LRRC8B: variants seen among roughly 807,000 people sequenced by gnomAD.
LRRC8B encodes leucine rich repeat containing 8 VRAC subunit B.
Under a neutral mutation model 58.8 loss-of-function variants are expected in LRRC8B, and 23 were observed. That is an observed-to-expected ratio of 0.39 (90% CI 0.28 to 0.55). The LOEUF (loss-of-function observed/expected upper bound fraction) is 0.55, where lower values mean the gene tolerates loss of function less well. Among genes scored for constraint, LRRC8B ranks in the 20% least tolerant of loss-of-function variants. The pLI, the probability that LRRC8B is intolerant of heterozygous loss-of-function variation, is 0.62. For missense variants in LRRC8B, 694 were observed against 936.0 expected (o/e 0.74, Z 3.37); for synonymous variants, 359 against 374.1 (o/e 0.96, Z 0.47).
intron 1 of LRRC8B, among the ~76,000 whole-genome samples, chr1:89,534,868 G>A (rs1650415644): frequency 6.6e-6 from 1 of 151,912 alleles, no homozygotes; most frequent in Non-Finnish European, 1.5e-5. Flanking sequence ...GTTGATCTAA[G>A]CAAAGAAATA....
chr1:89,583,799 C>G lies in LRRC8B; in HGVS notation c.1149C>G (p.Arg383=). 6.2e-7 allele frequency: 1 copy of G among 1,614,200 alleles called. No homozygotes were observed. The highest frequency in any genetic ancestry group is 1.1e-5 in the South Asian group (1 of 91,086). The change falls in exon 5 of 6, where the codon CGC becomes CGG. Residue 383 remains arginine, a synonymous_variant. Coordinates refer to ENST00000330947, the MANE Select transcript of LRRC8B (RefSeq NM_001369817.2). This position sits in a 1 kb window ranked among gnomAD's most constrained non-coding sequence, Gnocchi z 5.2. ...AGTATGATCCTCTTTATTCCAAACG[C>G]TTCTCCATATTCCTATCAGAGGTCA... is the stretch of plus-strand genomic sequence containing the variant. ...ADQYDPLYSK[R]FSIFLSEVSE...
chr1:89,592,945 T>G lies in LRRC8B; in HGVS notation c.2314T>G (p.Ser772Ala). 1 of 1,614,154 alleles carries G rather than the reference T, an allele frequency of 6.2e-7. No individual in the cohort carries two copies. Among genetic ancestry groups the G allele is most frequent in the Non-Finnish European group, 8.5e-7 (1 of 1,180,004 alleles). The part of the protein sequence containing the change: ...TLPPELEGCQ[S>A]LKRNCLIVEE... The stretch of plus-strand genomic sequence containing the variant: ...TCCTCCTGAACTAGAAGGATGTCAG[T>G]CCCTAAAACGGAACTGTCTGATTGT... The change falls in exon 6 of 6, where the codon TCC (serine) becomes GCC (alanine). Residue 772 changes from serine (S) to alanine (A), a missense_variant. This residue lies in a region of LRRC8B where 139 missense variants were observed against 158.2 expected (regional missense o/e 0.88). Coordinates refer to ENST00000330947, the MANE Select transcript of LRRC8B (RefSeq NM_001369817.2).
intron 1 of LRRC8B, among the ~76,000 whole-genome samples, chr1:89,541,508 G>A (rs1026628500): frequency 1.5e-4 from 23 of 151,022 alleles, no homozygotes; most frequent in African/African-American, 2.7e-4. Context: ...TCAGGAGATC[G>A]AGACCATCCC....
intron 5 of LRRC8B, among the ~76,000 whole-genome samples, chr1:89,587,037 TAC>T (rs1425348823): frequency 1.3e-5 from 2 of 152,194 alleles, no homozygotes; most frequent in African/African-American, 4.8e-5. Flanking sequence ...TGGGAATAGC[TAC>T]AGTGTTAGAA....
rs2101067126 is a variant in LRRC8B, at chr1:89,583,773, C to T, written c.1123C>T (p.Gln375Ter). 1 of 1,614,210 alleles carries T rather than the reference C, an allele frequency of 6.2e-7. No individual in the cohort carries two copies. Among genetic ancestry groups the T allele is most frequent in the Non-Finnish European group, 8.5e-7 (1 of 1,180,044 alleles). The part of the protein sequence containing the change: ...DFAFILHLAD[Q>*]YDPLYSKRFS... ...TGCCTTCATCCTTCATCTGGCTGAT[C>T]AGTATGATCCTCTTTATTCCAAACG... The change falls in exon 5 of 6, where the codon CAG becomes TAG. Residue 375 changes from glutamine to a stop codon, truncating the protein, a stop_gained. Coordinates refer to ENST00000330947, the MANE Select transcript of LRRC8B (RefSeq NM_001369817.2). LOFTEE classifies it high-confidence loss of function. The surrounding 1 kb of genome is among the most constrained non-coding windows in gnomAD (Gnocchi z 5.2).
intron 1 of LRRC8B, among the ~76,000 whole-genome samples, chr1:89,555,894 C>T (rs1652151707): frequency 6.6e-6 from 1 of 152,102 alleles, no homozygotes; most frequent in Admixed American, 6.6e-5. Context: ...TGGCCTTTGC[C>T]CCCATGTCAC....
intron 3 of LRRC8B, among the ~76,000 whole-genome samples, chr1:89,577,886 A>C (rs1653962612): frequency 6.6e-6 from 1 of 151,486 alleles, no homozygotes; most frequent in African/African-American, 2.4e-5. Context: ...AAAGAGCGCT[A>C]ATTAGCTTTT....
intron 3 of LRRC8B, among the ~76,000 whole-genome samples, chr1:89,579,189 C>T (rs775670208): frequency 1.3e-5 from 2 of 152,036 alleles, no homozygotes; most frequent in East Asian, 1.9e-4. Flanking sequence ...TAACATATGT[C>T]GACTACTTAG....
At chr1:89,550,230 G>A (rs1651700102) in intron 1 of LRRC8B, among the ~76,000 whole-genome samples, 1 of 152,196 alleles carries the variant, frequency 6.6e-6, no homozygotes, top group East Asian at 1.9e-4. Context: ...TCACACTCAG[G>A]CACATCTTAG....
chr1:89,552,908 G>A (rs931462796), intron 1 of LRRC8B, among the ~76,000 whole-genome samples: 2 of 152,136 alleles, frequency 1.3e-5, no homozygotes, highest in African/African-American at 4.8e-5. Context: ...CAAGGGAATT[G>A]GATTTTCAGA....
intron 1 of LRRC8B, among the ~76,000 whole-genome samples, chr1:89,541,863 A>G (rs537695820): frequency 6.6e-6 from 1 of 152,154 alleles, no homozygotes; most frequent in South Asian, 2.1e-4. Context: ...ACATGCCTGA[A>G]GTAGCCACCT....
At chr1:89,534,794 A>G (rs1650410830) in intron 1 of LRRC8B, among the ~76,000 whole-genome samples, 1 of 152,154 alleles carries the variant, frequency 6.6e-6, no homozygotes, top group African/African-American at 2.4e-5. Context: ...ATATCTAGTG[A>G]TTTATCACAG....
chr1:89,541,053 T>A (rs1370264123), intron 1 of LRRC8B, among the ~76,000 whole-genome samples: 2 of 152,208 alleles, frequency 1.3e-5, no homozygotes, highest in Non-Finnish European at 2.9e-5. Context: ...CACAACTTTT[T>A]AAATTATAGC....
chr1:89,525,423 G>C (rs563767803), intron 1 of LRRC8B, among the ~76,000 whole-genome samples: 1 of 152,236 alleles, frequency 6.6e-6, no homozygotes, highest in Admixed American at 6.5e-5. Flanking sequence ...CGCTCCAGAT[G>C]AGCGCAACTC....
At position 89,541,710 on chromosome 1, in the gene LRRC8B, C is replaced by CAAAAAAAA. The variant is rs61714771; in HGVS notation, c.-241+16720_-241+16727dup. ...TGGGCGACAGAGGGAGACTCCGTCT[C>CAAAAAAAA]AAAAAAAAAAAAAAAAAAAAAAAAA... On this transcript the variant is annotated intron_variant, in intron 1 of 5. Coordinates refer to ENST00000330947, the MANE Select transcript of LRRC8B (RefSeq NM_001369817.2). Among the ~76,000 whole-genome samples, 22 of 42,232 alleles carry CAAAAAAAA rather than the reference C, an allele frequency of 5.2e-4. 3 individuals are homozygous for CAAAAAAAA. The highest frequency in any genetic ancestry group is 1.2e-3 in the African/African-American group (11 of 9,222). The allele number at this position is 42,232 out of a possible 152,430, so 27.7% of individuals were successfully genotyped here. A position where few individuals can be genotyped will look rare whatever the true frequency, so the allele number is the denominator to read the frequency against.
intron 1 of LRRC8B, among the ~76,000 whole-genome samples, chr1:89,528,743 A>G (rs1459118815): frequency 6.6e-6 from 1 of 152,228 alleles, no homozygotes; most frequent in Admixed American, 6.5e-5. Flanking sequence ...CATATATAAG[A>G]TGAGGCCCTC....
chr1:89,529,863 AT>A (rs146916467), intron 1 of LRRC8B, among the ~76,000 whole-genome samples: 8,350 of 149,902 alleles, frequency 0.056, 267 homozygotes, highest in African/African-American at 0.085. Context: ...ATTTCACAGT[AT>A]TTTTTTTTTC....
rs1323992476 is a variant in LRRC8B at position 89,593,508 on chromosome 1, C to T, written c.*465C>T. The stretch of plus-strand genomic sequence containing the variant: ...CTTATTAAAGCAACTGAGTGTCTAG[C>T]CCTAAATTAACCAGGTAAAAACTGT... On this transcript the variant is annotated 3_prime_UTR_variant, in exon 6 of 6. Coordinates refer to ENST00000330947, the MANE Select transcript of LRRC8B (RefSeq NM_001369817.2). The T allele has an allele frequency of 6.5e-6, 1 of 154,114 alleles. No homozygotes were observed. Among genetic ancestry groups the T allele is most frequent in the Non-Finnish European group, 1.4e-5 (1 of 69,284 alleles). 9.5% of individuals were successfully genotyped at this position (154,114 alleles called of 1,614,324 possible).
At chr1:89,559,742 C>T (rs1652481441) in intron 1 of LRRC8B, among the ~76,000 whole-genome samples, 1 of 152,058 alleles carries the variant, frequency 6.6e-6, no homozygotes, top group Non-Finnish European at 1.5e-5. Context: ...GGTGAAGCAT[C>T]CTACTTATTT....
Sources: gnomAD v4.1 joint callset for allele counts (sites outside exome capture counted in the v4.1 genomes callset) on GRCh38, gnomAD v4.1.1 for gene constraint, gnomAD v4.1.1 regional missense constraint, Gnocchi (gnomAD v3.1) non-coding constraint, MANE v1.5 for transcripts, NCBI Gene and HGNC (gene_info 2026-07-23, HGNC 2026-07-21) for gene names.